LONP2: variants seen among roughly 807,000 people sequenced by gnomAD.
LONP2 encodes lon peptidase 2, peroxisomal, also known as lon protease homolog 2, peroxisomal.
In LONP2, 60 loss-of-function variants were observed where a neutral mutation model predicts 85.6. The observed-to-expected ratio is 0.70, with a 90% CI of 0.57 to 0.87. LONP2 has a LOEUF of 0.87. Ranked by LOEUF, LONP2 falls within the 40% of genes least tolerant of loss-of-function variation. The pLI is 0.00. For synonymous variants in LONP2, 395 were observed against 389.7 expected (o/e 1.01, Z -0.16); for missense variants, 860 against 1,063.5 (o/e 0.81, Z 2.66).
At chr16:48,318,454 G>T (rs939742204) in intron 11 of LONP2, among the ~76,000 whole-genome samples, 5 of 151,254 alleles carry the variant, frequency 3.3e-5, no homozygotes, top group Non-Finnish European at 3.0e-5. Flanking sequence ...GGGAGGCGGG[G>T]ATTGCAGTGA....
intron 1 of LONP2, among the ~76,000 whole-genome samples, chr16:48,251,040 G>A (rs755882887): frequency 1.1e-4 from 17 of 152,188 alleles, no homozygotes; most frequent in Non-Finnish European, 1.0e-4. Flanking sequence ...TAAACTGAGT[G>A]GCAGAAAGAA....
rs1326303076 is a variant in LONP2, at chr16:48,355,746, A to AC, written c.*3944_*3945insC. The AC allele has an allele frequency of 6.6e-6, 1 of 152,162 alleles. No homozygotes were observed. The highest frequency in any genetic ancestry group is 1.5e-5 in the Non-Finnish European group (1 of 68,038). 9.4% of individuals were successfully genotyped at this position (152,162 alleles called of 1,614,324 possible). A position where few individuals can be genotyped will look rare whatever the true frequency, so the allele number is the denominator to read the frequency against. Reference sequence around the variant, plus strand: ...GATTCTATGTCCCTAATGACTAGTGATGTTGAGCATTTTCTAGCATTGATT... The same window carrying AC: ...GATTCTATGTCCCTAATGACTAGTGACTGTTGAGCATTTTCTAGCATTGATT... On this transcript the variant is annotated 3_prime_UTR_variant, in exon 15 of 15. Coordinates refer to ENST00000285737, the MANE Select transcript of LONP2 (RefSeq NM_031490.5).
chr16:48,282,351 C>T (rs980509656), intron 8 of LONP2, among the ~76,000 whole-genome samples: 13 of 143,312 alleles, frequency 9.1e-5, no homozygotes, highest in South Asian at 4.4e-4. Flanking sequence ...GCAGAGGTTG[C>T]GGTGAGCTGA....
chr16:48,351,511 A>C, intron 14 of LONP2, 70 bp from the exon 15 acceptor site: 1 of 1,245,460 alleles, frequency 8.0e-7, no homozygotes, highest in Non-Finnish European at 1.1e-6. Flanking sequence ...CAGTGAAAGA[A>C]AGCTGGGTCA....
At chr16:48,335,205 A>G (rs1480873807) in intron 12 of LONP2, among the ~76,000 whole-genome samples, 1 of 152,198 alleles carries the variant, frequency 6.6e-6, no homozygotes, top group African/African-American at 2.4e-5. Context: ...TGTGCTATCA[A>G]GGGCTTGGGG....
At chr16:48,343,343 G>A (rs1959870389) in intron 12 of LONP2, among the ~76,000 whole-genome samples, 1 of 152,178 alleles carries the variant, frequency 6.6e-6, no homozygotes, top group African/African-American at 2.4e-5. Flanking sequence ...GAAGAGTAGT[G>A]TGAAATTGGC....
At chr16:48,285,963 TC>T (rs1972431424) in intron 8 of LONP2, among the ~76,000 whole-genome samples, 1 of 152,124 alleles carries the variant, frequency 6.6e-6, no homozygotes, top group Non-Finnish European at 1.5e-5. Context: ...CCTCCCTCAG[TC>T]CCTGGCAGCT....
chr16:48,295,083 G>A (rs946559756), intron 8 of LONP2, among the ~76,000 whole-genome samples: 2 of 152,168 alleles, frequency 1.3e-5, no homozygotes, highest in East Asian at 1.9e-4. Context: ...ATTATCTAAT[G>A]TATCTAATTC....
At chr16:48,359,039 G>A (rs1443096953), downstream of LONP2, among the ~76,000 whole-genome samples, 1 of 152,208 alleles carries the variant, frequency 6.6e-6, no homozygotes, top group Non-Finnish European at 1.5e-5. Flanking sequence ...CCAGGCTGGA[G>A]TGCAGTGATA....
chr16:48,342,347 G>A (rs1959841369), intron 12 of LONP2, among the ~76,000 whole-genome samples: 1 of 152,170 alleles, frequency 6.6e-6, no homozygotes. Flanking sequence ...TGCCTTTCAA[G>A]CAAACAAAAT....
downstream of LONP2, chr16:48,360,947 G>A (rs1960559618): frequency 6.6e-6 from 1 of 151,870 alleles, no homozygotes; most frequent in Non-Finnish European, 1.5e-5. Context: ...CTGATTAATG[G>A]GGGAAAAGAA....
chr16:48,307,964 AG>A (rs1972946429), intron 11 of LONP2, among the ~76,000 whole-genome samples: 1 of 152,152 alleles, frequency 6.6e-6, no homozygotes, highest in South Asian at 2.1e-4. Context: ...GCAAGGAAAG[AG>A]CCAGGGACCT....
intron 12 of LONP2, among the ~76,000 whole-genome samples, chr16:48,335,753 C>G (rs1427010059): frequency 6.6e-6 from 1 of 152,160 alleles, no homozygotes; most frequent in Non-Finnish European, 1.5e-5. Flanking sequence ...CATTTAAACT[C>G]TAAACTGGTC....
At chr16:48,317,836 T>G (rs531855895) in intron 11 of LONP2, among the ~76,000 whole-genome samples, 2 of 152,338 alleles carry the variant, frequency 1.3e-5, no homozygotes, top group South Asian at 2.1e-4. Flanking sequence ...CCACAAAGCT[T>G]TGGCTGGCTA....
At chr16:48,351,248 A>T (rs1349752328) in intron 14 of LONP2, among the ~76,000 whole-genome samples, 1 of 152,182 alleles carries the variant, frequency 6.6e-6, no homozygotes, top group Non-Finnish European at 1.5e-5. Context: ...TTTCAGATCA[A>T]CCTAAAGACT....
At chr16:48,263,134 C>G (rs186429453) in intron 6 of LONP2, among the ~76,000 whole-genome samples, 11 of 152,242 alleles carry the variant, frequency 7.2e-5, no homozygotes, top group Admixed American at 7.2e-4. Flanking sequence ...TCCGTCACCT[C>G]CAAAGTTTCC....
intron 11 of LONP2, among the ~76,000 whole-genome samples, chr16:48,315,879 C>T (rs1304810156): frequency 6.7e-6 from 1 of 150,150 alleles, no homozygotes; most frequent in East Asian, 1.9e-4. Flanking sequence ...TTTCTGTTGC[C>T]CTGTATTCCA....
intron 9 of LONP2, among the ~76,000 whole-genome samples, chr16:48,297,909 A>C (rs1972710739): frequency 6.6e-6 from 1 of 152,240 alleles, no homozygotes; most frequent in South Asian, 2.1e-4. Context: ...CATGTTGGCC[A>C]GGAAGGTCTC....
chr16:48,298,466 C>T (rs1425891102), intron 9 of LONP2, among the ~76,000 whole-genome samples: 2 of 152,012 alleles, frequency 1.3e-5, no homozygotes, highest in Non-Finnish European at 2.9e-5. Context: ...TACATACACA[C>T]ACACACACAC....
Sources: allele counts gnomAD v4.1 joint callset (sites outside exome capture counted in the v4.1 genomes callset), GRCh38; gene constraint gnomAD v4.1.1; transcripts MANE v1.5; gene names NCBI Gene and HGNC (gene_info 2026-07-23, HGNC 2026-07-21).